Variants in ZNF521 observed in about 807,000 individuals in gnomAD.
ZNF521 encodes LYST-interacting protein 3.
Under a neutral mutation model 105.5 loss-of-function variants are expected in ZNF521, and 14 were observed. The ratio of observed to expected loss-of-function variants is 0.13; its 90% CI spans 0.09 to 0.21. The LOEUF is 0.21. Ranked by LOEUF, ZNF521 falls within the 10% of genes least tolerant of loss-of-function variation. The pLI is 1.00. For synonymous variants in ZNF521, 635 were observed against 606.0 expected, an observed-to-expected ratio of 1.05 and a Z score of -0.70; for missense variants, 1,233 against 1,629.7, an observed-to-expected ratio of 0.76 and a Z score of 4.19.
intron 3 of ZNF521, among the ~76,000 whole-genome samples, chr18:25,260,184 C>A (rs1908809521): frequency 6.6e-6 from 1 of 152,146 alleles, no homozygotes; most frequent in Non-Finnish European, 1.5e-5. Flanking sequence ...GGGTTCAAAT[C>A]CCACTTCTGT....
At chr18:25,190,350 G>C (rs1336638953) in intron 5 of ZNF521, among the ~76,000 whole-genome samples, 1 of 152,102 alleles carries the variant, frequency 6.6e-6, no homozygotes, top group Non-Finnish European at 1.5e-5. Flanking sequence ...GGATAGCATG[G>C]AGATTATAAA....
intron 3 of ZNF521, among the ~76,000 whole-genome samples, chr18:25,254,613 G>C (rs937242762): frequency 2.0e-5 from 3 of 152,028 alleles, no homozygotes; most frequent in African/African-American, 4.8e-5. Context: ...AATGAATATG[G>C]AGTAATACAG....
chr18:25,114,768 C>T (rs553047871), intron 5 of ZNF521, among the ~76,000 whole-genome samples: 9 of 152,262 alleles, frequency 5.9e-5, no homozygotes, highest in Non-Finnish European at 1.2e-4. Context: ...ACATCTCTAT[C>T]CTTAACACAC....
chr18:25,158,024 G>A (rs111580990), intron 5 of ZNF521, among the ~76,000 whole-genome samples: 36,203 of 152,104 alleles, frequency 0.24, 5,276 homozygotes, highest in East Asian at 0.33. Context: ...AAAGTGCTGG[G>A]ATTACAGGCA....
At chr18:25,322,482 T>C in intron 2 of ZNF521, 3 of 405,600 alleles carry the variant, frequency 7.4e-6, no homozygotes, top group East Asian at 5.2e-5. Context: ...CATAGCCTTT[T>C]AGTTTTCGCT....
At chr18:25,142,475 GA>G (rs1189619780) in intron 5 of ZNF521, among the ~76,000 whole-genome samples, 4 of 152,146 alleles carry the variant, frequency 2.6e-5, no homozygotes, top group Admixed American at 2.6e-4. Context: ...TCAATGGAAT[GA>G]CAGCTAATTA....
At chr18:25,129,771 A>G (rs1412757510) in intron 5 of ZNF521, among the ~76,000 whole-genome samples, 2 of 151,280 alleles carry the variant, frequency 1.3e-5, no homozygotes, top group African/African-American at 4.8e-5. Flanking sequence ...AATTGTGAAC[A>G]AAAATAATGA....
chr18:25,082,753 A>C (rs943397503), intron 7 of ZNF521: 1 of 336,906 alleles, frequency 3.0e-6, no homozygotes, highest in Non-Finnish European at 5.8e-6. Context: ...AAGGCAGGAG[A>C]ATTGCTTGAA....
intron 5 of ZNF521, among the ~76,000 whole-genome samples, chr18:25,153,672 C>G (rs1383994339): frequency 1.3e-5 from 2 of 152,206 alleles, no homozygotes; most frequent in African/African-American, 4.8e-5. Flanking sequence ...ACTTCACACT[C>G]AAACATTTGA....
At chr18:25,071,123 T>G (rs1487071490) in intron 7 of ZNF521, among the ~76,000 whole-genome samples, 1 of 152,206 alleles carries the variant, frequency 6.6e-6, no homozygotes, top group Admixed American at 6.5e-5. Context: ...CTACTTTGTC[T>G]TCATTATAAG....
At chr18:25,234,050 C>T (rs746228820) in intron 3 of ZNF521, among the ~76,000 whole-genome samples, 1 of 152,142 alleles carries the variant, frequency 6.6e-6, no homozygotes, top group South Asian at 2.1e-4. Flanking sequence ...CTCTCTCGCA[C>T]GGAAATCAAG....
chr18:25,127,375 T>C (rs577281172), intron 5 of ZNF521, among the ~76,000 whole-genome samples: 33 of 152,010 alleles, frequency 2.2e-4, no homozygotes, highest in Non-Finnish European at 4.6e-4. Context: ...CTAAATTTTA[T>C]TAAGCACTTA....
At chr18:25,132,940 G>C (rs1210011215) in intron 5 of ZNF521, among the ~76,000 whole-genome samples, 3 of 152,180 alleles carry the variant, frequency 2.0e-5, no homozygotes, top group Non-Finnish European at 4.4e-5. Flanking sequence ...CCCGATCTGA[G>C]AGTGGAACCT....
chr18:25,220,324 A>C (rs1044653739), intron 4 of ZNF521, among the ~76,000 whole-genome samples: 2 of 152,220 alleles, frequency 1.3e-5, no homozygotes, highest in Non-Finnish European at 2.9e-5. Context: ...GCTGCAATAA[A>C]GTGACGAATG....
intron 5 of ZNF521, among the ~76,000 whole-genome samples, chr18:25,161,604 A>G (rs1462443996): frequency 6.6e-6 from 1 of 152,208 alleles, no homozygotes; most frequent in Non-Finnish European, 1.5e-5. Context: ...TTTCACTTAA[A>G]ACTCTTTTGA....
At chr18:25,073,512 T>C in intron 7 of ZNF521, among the ~76,000 whole-genome samples, 1 of 152,220 alleles carries the variant, frequency 6.6e-6, no homozygotes, top group East Asian at 1.9e-4. Flanking sequence ...AGCAGGGCAT[T>C]GATTTAAAAA....
chr18:25,073,254 T>G (rs1289859107), intron 7 of ZNF521, among the ~76,000 whole-genome samples: 3 of 152,184 alleles, frequency 2.0e-5, no homozygotes, highest in Non-Finnish European at 4.4e-5. Context: ...AATTGATAAT[T>G]GCTCAGAAAT....
chr18:25,209,451 T>C (rs552069919), intron 4 of ZNF521, among the ~76,000 whole-genome samples: 1 of 152,264 alleles, frequency 6.6e-6, no homozygotes, highest in South Asian at 2.1e-4. Flanking sequence ...ACATCTAAAT[T>C]ACAAATCGTG....
intron 5 of ZNF521, among the ~76,000 whole-genome samples, chr18:25,178,091 G>A (rs1431814496): frequency 1.3e-5 from 2 of 152,158 alleles, no homozygotes; most frequent in African/African-American, 2.4e-5. Context: ...AAAAAACTGT[G>A]ATGAACATCA....
Sources: gnomAD v4.1 joint callset for allele counts (sites outside exome capture counted in the v4.1 genomes callset) on GRCh38, gnomAD v4.1.1 for gene constraint, MANE v1.5 for transcripts, NCBI Gene and HGNC (gene_info 2026-07-23, HGNC 2026-07-21) for gene names.